Variants in PTPRU observed in about 807,000 individuals in gnomAD.
PTPRU encodes protein tyrosine phosphatase receptor type U.
Under a neutral mutation model 166.3 loss-of-function variants are expected in PTPRU, and 69 were observed. The ratio of observed to expected loss-of-function variants is 0.41; its 90% CI spans 0.34 to 0.51. The LOEUF is 0.51. PTPRU is among the 20% of genes least tolerant of loss of function. The probability of loss-of-function intolerance (pLI) is 0.09; values close to 1 mark genes in which losing one functional copy is unlikely to be tolerated. For missense variants in PTPRU, 1,657 were observed against 2,013.7 expected (o/e 0.82, Z 3.39); for synonymous variants, 793 against 814.0 (o/e 0.97, Z 0.44).
intron 1 of PTPRU, 71 bp from the exon 2 acceptor site, chr1:29,255,204 G>A (rs971377914): frequency 1.6e-5 from 24 of 1,533,316 alleles, no homozygotes; most frequent in African/African-American, 2.7e-5. Flanking sequence ...GGAGAGTGGG[G>A]CTACCCTCCA....
Position 29,236,635 on chromosome 1 carries a change from C to A in PTPRU, c.-10C>A, listed in dbSNP as rs550150837. On this transcript the variant is annotated 5_prime_UTR_variant, in exon 1 of 30. Transcript: ENST00000373779. This position sits in a 1 kb window ranked among gnomAD's most constrained non-coding sequence, Gnocchi z 4.6. ...CGCCGGGCCCCGGGACGGGCGGCGA[C>A]GCTCCAACCATGGCCCGTGCCCAGG... 396 of 1,261,350 alleles carry A rather than the reference C, an allele frequency of 3.1e-4. No individual in the cohort carries two copies. In the Admixed American group the frequency reaches 9.5e-3, roughly 30 times the overall value. 78.1% of individuals were successfully genotyped at this position (1,261,350 alleles called of 1,614,324 possible).
intron 15 of PTPRU, among the ~76,000 whole-genome samples, chr1:29,298,261 TCAAAAAAAAAAAGA>T (rs1686979559): frequency 8.6e-6 from 1 of 115,644 alleles, no homozygotes; most frequent in Non-Finnish European, 1.6e-5. Context: ...AGACTCTGTC[TCAAAAAAAAAAAGA>T]CAAAAAAAAA....
intron 15 of PTPRU, among the ~76,000 whole-genome samples, chr1:29,298,461 T>G (rs956314158): frequency 6.6e-6 from 1 of 152,160 alleles, no homozygotes; most frequent in Non-Finnish European, 1.5e-5. Context: ...TGGATCCTTC[T>G]ATGCAAATTT....
intron 1 of PTPRU, among the ~76,000 whole-genome samples, chr1:29,239,686 T>A (rs568990003): frequency 2.3e-4 from 35 of 152,164 alleles, no homozygotes; most frequent in African/African-American, 8.4e-4. Context: ...CTTGTGCTCC[T>A]CCTTCCTCCC....
intron 14 of PTPRU, among the ~76,000 whole-genome samples, chr1:29,286,997 T>G (rs989225532): frequency 1.2e-4 from 18 of 152,070 alleles, no homozygotes; most frequent in Admixed American, 2.6e-4. Flanking sequence ...CAGTCTGCAT[T>G]GTGGGTATCA....
At chr1:29,268,529 C>T (rs1264744901) in intron 7 of PTPRU, among the ~76,000 whole-genome samples, 2 of 152,118 alleles carry the variant, frequency 1.3e-5, no homozygotes, top group Non-Finnish European at 2.9e-5. Context: ...GTTGAGAATC[C>T]CCGATTCAGT....
At position 29,260,890 on chromosome 1, in the gene PTPRU, C is replaced by T. The variant is rs1231844513; in HGVS notation, c.1131C>T (p.Arg377=). The T allele has an allele frequency of 6.3e-7, 1 of 1,576,272 alleles. No homozygotes were observed. The highest frequency in any genetic ancestry group is 8.6e-7 in the Non-Finnish European group (1 of 1,164,394). Residue 377 remains arginine (R), a synonymous_variant, in exon 7 of 30, where the codon CGC becomes CGT. Transcript: ENST00000373779. This position sits in a 1 kb window ranked among gnomAD's most constrained non-coding sequence, Gnocchi z 8.3. ...TGRPGPPLIS[R]TKCAEPMRAP... is the part of the protein sequence containing the mutation. The stretch of plus-strand genomic sequence containing the variant: ...GCCCTGGGCCACCCCTCATCAGCCG[C>T]ACCAAATGCGCAGGTGGGTGCAGCA...
Position 29,315,739 on chromosome 1 carries a change from C to G in PTPRU, c.3363+232C>G, listed in dbSNP as rs1687874832. The stretch of plus-strand genomic sequence containing the variant: ...CCTGTAGCTGACATACCTGGGATTG[C>G]ATCCTCAGTGGATGTGTGACCGTGA... On this transcript the variant is annotated intron_variant, in intron 23 of 29. Coordinates refer to ENST00000373779, the MANE Select transcript of PTPRU (RefSeq NM_133178.4). This position sits in a 1 kb window ranked among gnomAD's most constrained non-coding sequence, Gnocchi z 4.5. Among the ~76,000 whole-genome samples, 2 of 152,194 alleles carry G rather than the reference C, an allele frequency of 1.3e-5. No individual in the cohort carries two copies. The highest frequency in any genetic ancestry group is 4.8e-5 in the African/African-American group (2 of 41,448).
chr1:29,259,453 G>T lies in PTPRU; in HGVS notation c.564G>T (p.Lys188Asn). The change falls in exon 5 of 30, where the codon AAG (lysine) becomes AAT (asparagine). Residue 188 changes from lysine to asparagine, a missense_variant. By Grantham distance (94) the Lys-to-Asn change is moderately conservative. This residue lies in a region of PTPRU where 453 missense variants were observed against 496.9 expected (regional missense o/e 0.91). Coordinates refer to ENST00000373779, the MANE Select transcript of PTPRU (RefSeq NM_133178.4). ...DILLLSYPCA[K>N]APHFSRLGDV... The stretch of plus-strand genomic sequence containing the variant: ...GATGCAGCTCTAACCCCGCAGCAAA[G>T]GCCCCACACTTCTCCCGCCTGGGCG... 6.2e-7 allele frequency: 1 copy of T among 1,611,062 alleles called. No individual in the cohort carries two copies. The highest frequency in any genetic ancestry group is 1.3e-5 in the African/African-American group (1 of 75,022).
Position 29,236,707 on chromosome 1 carries a change from G to A in PTPRU, c.63G>A (p.Glu21=). 6.9e-7 allele frequency: 1 copy of A among 1,454,974 alleles called. No homozygotes were observed. The highest frequency in any genetic ancestry group is 1.8e-4 in the Middle Eastern group (1 of 5,712). The allele number at this position is 1,454,974 out of a possible 1,614,324, so 90.1% of individuals were successfully genotyped here. A position where few individuals can be genotyped will look rare whatever the true frequency, so the allele number is the denominator to read the frequency against. ...LTFQLCAPET[E]TPAAGCTFEE... ...TCCAGCTCTGCGCGCCGGAGACCGA[G>A]ACTCCGGCAGGTAAGCGCGCGGCGG... The change falls in exon 1 of 30, where the codon GAG becomes GAA. Residue 21 remains glutamate, a synonymous_variant. Transcript: ENST00000373779. This position sits in a 1 kb window ranked among gnomAD's most constrained non-coding sequence, Gnocchi z 4.6.
chr1:29,314,496 G>A (rs1687808444), intron 22 of PTPRU, among the ~76,000 whole-genome samples: 1 of 152,144 alleles, frequency 6.6e-6, no homozygotes. Flanking sequence ...TGAGGACAAT[G>A]ATCTTGATGT....
rs1686621965 is a variant in PTPRU at position 29,291,358 on chromosome 1, T to C, written c.2319-511T>C. Among the ~76,000 whole-genome samples the C allele has an allele frequency of 6.6e-6, 1 of 151,880 alleles. No individual in the cohort carries two copies. The highest frequency in any genetic ancestry group is 2.4e-5 in the African/African-American group (1 of 41,214). ...CTGGCTGAGCACAAGCTAGACTCTC[T>C]GCGGGGAAGGAGGGGTGTAGTCCCT... On this transcript the variant is annotated intron_variant, in intron 14 of 29. Transcript: ENST00000373779. This position sits in a 1 kb window ranked among gnomAD's most constrained non-coding sequence, Gnocchi z 4.1.
At chr1:29,261,280 A>T (rs940773228) in intron 7 of PTPRU, among the ~76,000 whole-genome samples, 1 of 152,236 alleles carries the variant, frequency 6.6e-6, no homozygotes, top group Non-Finnish European at 1.5e-5. Flanking sequence ...TGACTCCAGA[A>T]TCTGTGTTCT....
chr1:29,310,377 A>G (rs751744336), intron 18 of PTPRU, among the ~76,000 whole-genome samples: 4 of 152,138 alleles, frequency 2.6e-5, no homozygotes, highest in Non-Finnish European at 4.4e-5. Context: ...AGCTTCTGGA[A>G]CCCTGGGAAC....
At chr1:29,299,518 T>C (rs1687044806) in intron 15 of PTPRU, among the ~76,000 whole-genome samples, 1 of 152,120 alleles carries the variant, frequency 6.6e-6, no homozygotes, top group African/African-American at 2.4e-5. Flanking sequence ...TTGTAGAACA[T>C]CTTGTGTTAT....
At position 29,260,517 on chromosome 1, in the gene PTPRU, G is replaced by A; in HGVS notation, c.851-93G>A. 5.1e-6 allele frequency: 5 copies of A among 971,972 alleles called. No homozygotes were observed. The highest frequency in any genetic ancestry group is 7.3e-6 in the Non-Finnish European group (5 of 688,822). 60.2% of individuals were successfully genotyped at this position (971,972 alleles called of 1,614,324 possible). A position where few individuals can be genotyped will look rare whatever the true frequency, so the allele number is the denominator to read the frequency against. On this transcript the variant is annotated intron_variant, in intron 6 of 29. Coordinates refer to ENST00000373779, the MANE Select transcript of PTPRU (RefSeq NM_133178.4). This position sits in a 1 kb window ranked among gnomAD's most constrained non-coding sequence, Gnocchi z 8.3. ...GCAGCGTGAGAGGCCCTAGGAGGAC[G>A]GAGAGGGATTTGGGTGTGGTGGAAC... is the stretch of plus-strand genomic sequence containing the variant.
chr1:29,310,651 G>A, intron 18 of PTPRU, 93 bp from the exon 19 acceptor site: 3 of 1,344,916 alleles, frequency 2.2e-6, no homozygotes, highest in Non-Finnish European at 2.1e-6. Flanking sequence ...GGTGGGGTAG[G>A]GGTTCTGCTG....
chr1:29,259,810 A>G lies in PTPRU; in HGVS notation c.676-60A>G. On this transcript the variant is annotated intron_variant, in intron 5 of 29. Coordinates refer to ENST00000373779, the MANE Select transcript of PTPRU (RefSeq NM_133178.4). Reference sequence around the variant, plus strand: ...GACGGCTAAATGGGGCCCGGGTCAGAGCGAGATCGGGACCCCTCGCTCCGA... The same window carrying G: ...GACGGCTAAATGGGGCCCGGGTCAGGGCGAGATCGGGACCCCTCGCTCCGA... 3 of 1,467,990 alleles carry G rather than the reference A, an allele frequency of 2.0e-6. No individual in the cohort carries two copies. The South Asian group carries it at 3.9e-5, about 19-fold the overall frequency. The allele number at this position is 1,467,990 out of a possible 1,614,324, so 90.9% of individuals were successfully genotyped here.
intron 22 of PTPRU, among the ~76,000 whole-genome samples, chr1:29,314,609 G>A (rs959637376): frequency 7.3e-5 from 11 of 150,586 alleles, no homozygotes; most frequent in Admixed American, 7.3e-4. Flanking sequence ...ACAGGATCTT[G>A]TTCTGTCATC....
Sources: gnomAD v4.1 joint callset for allele counts (sites outside exome capture counted in the v4.1 genomes callset) on GRCh38, gnomAD v4.1.1 for gene constraint, gnomAD v4.1.1 regional missense constraint, Gnocchi (gnomAD v3.1) non-coding constraint, MANE v1.5 for transcripts, NCBI Gene and HGNC (gene_info 2026-07-23, HGNC 2026-07-21) for gene names.